Variants in RFTN2 observed in about 807,000 individuals in gnomAD.
RFTN2 encodes raftlin family member 2.
A neutral mutation model predicts 52.7 loss-of-function variants in RFTN2; 34 were observed. That is an observed-to-expected ratio of 0.64 (90% CI 0.49 to 0.86). The LOEUF (loss-of-function observed/expected upper bound fraction) is 0.86, where lower values mean the gene tolerates loss of function less well. Among genes scored for constraint, RFTN2 ranks in the 40% least tolerant of loss-of-function variants. RFTN2 has a pLI of 0.00. For synonymous variants in RFTN2, 203 were observed against 217.7 expected (o/e 0.93, Z 0.59); for missense variants, 536 against 600.1 (o/e 0.89, Z 1.12).
intron 4 of RFTN2, 56 bp from the exon 5 acceptor site, chr2:197,631,276 T>G (rs2088465901): frequency 2.3e-6 from 3 of 1,311,252 alleles, no homozygotes; most frequent in East Asian, 2.3e-5. Context: ...GATCAAAGAT[T>G]CTTAATTTTT....
intron 5 of RFTN2, among the ~76,000 whole-genome samples, chr2:197,626,614 C>CTTTTTTTT (rs201711932): frequency 4.1e-5 from 4 of 97,644 alleles, no homozygotes; most frequent in Non-Finnish European, 5.7e-5. Flanking sequence ...AAGGAATAAT[C>CTTTTTTTT]TTCTTTTTTT....
Position 197,633,895 on chromosome 2 carries a change from C to G in RFTN2, c.541G>C (p.Glu181Gln), listed in dbSNP as rs1459076013. The change falls in exon 4 of 9, where the codon GAA becomes CAA. Residue 181 changes from glutamate to glutamine, a missense_variant. Coordinates refer to ENST00000295049, the MANE Select transcript of RFTN2 (RefSeq NM_144629.3). ...CNGTNHDGDI[E>Q]SMLHVRHGSD... ...CCGTGTCTCACATGTAGCATCGATT[C>G]TATATCTCCATCATGGTTGGTTCCA... 1.2e-6 allele frequency: 2 copies of G among 1,613,886 alleles called. No individual in the cohort carries two copies. Among genetic ancestry groups the G allele is most frequent in the South Asian group, 2.2e-5 (2 of 91,070 alleles).
chr2:197,602,506 A>T (rs949186209), intron 7 of RFTN2, among the ~76,000 whole-genome samples: 1 of 152,068 alleles, frequency 6.6e-6, no homozygotes. Flanking sequence ...GGTGGGAGAA[A>T]GTTGTTCTAC....
intron 7 of RFTN2, among the ~76,000 whole-genome samples, chr2:197,607,794 T>G (rs1197121843): frequency 6.6e-6 from 1 of 152,220 alleles, no homozygotes; most frequent in Non-Finnish European, 1.5e-5. Context: ...GGTATCAGTA[T>G]GTGTTAAAAA....
chr2:197,641,995 T>C (rs1356861148), intron 3 of RFTN2, among the ~76,000 whole-genome samples: 1 of 152,224 alleles, frequency 6.6e-6, no homozygotes, highest in African/African-American at 2.4e-5. Flanking sequence ...AGTAGCTACA[T>C]TTTTGTTTTC....
intron 8 of RFTN2, among the ~76,000 whole-genome samples, chr2:197,583,837 C>T (rs976748628): frequency 1.1e-4 from 17 of 152,004 alleles, no homozygotes; most frequent in Admixed American, 6.6e-5. Context: ...TCCAAGTGTT[C>T]TCATTGTTCA....
intron 1 of RFTN2, among the ~76,000 whole-genome samples, chr2:197,652,779 A>G (rs1187172056): frequency 6.6e-6 from 1 of 152,194 alleles, no homozygotes; most frequent in Non-Finnish European, 1.5e-5. Flanking sequence ...TGGTGGTACA[A>G]AGGTCTCCCA....
intron 8 of RFTN2, among the ~76,000 whole-genome samples, chr2:197,584,527 T>G (rs1411169860): frequency 3.9e-5 from 6 of 152,136 alleles, no homozygotes; most frequent in Non-Finnish European, 8.8e-5. Flanking sequence ...GTCAGATGAG[T>G]AGATTGCAAA....
In RFTN2 at chr2:197,571,324, A is replaced by G. The variant is rs2087312775; in HGVS notation, c.*684T>C. ...GGTTCTTTTCATATTGAATTTTAAG[A>G]GATGCTGCTTTGCTGTCTGCATTTT... is the stretch of plus-strand genomic sequence containing the variant. On this transcript the variant is annotated 3_prime_UTR_variant, in exon 9 of 9. Coordinates refer to ENST00000295049, the MANE Select transcript of RFTN2 (RefSeq NM_144629.3). The G allele has an allele frequency of 6.6e-6, 1 of 152,406 alleles. No homozygotes were observed. Among genetic ancestry groups the G allele is most frequent in the Non-Finnish European group, 1.5e-5 (1 of 68,032 alleles). The allele number at this position is 152,406 out of a possible 1,614,324, so 9.4% of individuals were successfully genotyped here. A position where few individuals can be genotyped will look rare whatever the true frequency, so the allele number is the denominator to read the frequency against.
intron 8 of RFTN2, among the ~76,000 whole-genome samples, chr2:197,594,661 A>C (rs1390146753): frequency 6.6e-6 from 1 of 152,152 alleles, no homozygotes; most frequent in African/African-American, 2.4e-5. Flanking sequence ...TAAACTCATG[A>C]ACTTGAGTCA....
intron 7 of RFTN2, among the ~76,000 whole-genome samples, chr2:197,600,667 C>A (rs2087865517): frequency 6.6e-6 from 1 of 152,142 alleles, no homozygotes; most frequent in South Asian, 2.1e-4. Flanking sequence ...GTCATTATGG[C>A]ACCTGAGAGG....
Position 197,572,152 on chromosome 2 carries a change from G to A in RFTN2, c.1362C>T (p.Pro454=). Reference sequence around the variant, plus strand: ...CCTCCTTTGTCCAGCATTCCCGGGAGGGAGAAAGGCGGCACTCCTCAGGCA... The same window carrying A: ...CCTCCTTTGTCCAGCATTCCCGGGAAGGAGAAAGGCGGCACTCCTCAGGCA... ...RHLPEECRLS[P]SRECWTKEGR... The change falls in exon 9 of 9, where the codon CCC becomes CCT. Residue 454 remains proline, a synonymous_variant. Transcript: ENST00000295049. 1.9e-6 allele frequency: 3 copies of A among 1,614,252 alleles called. No individual in the cohort carries two copies. The South Asian group carries it at 3.3e-5, about 18-fold the overall frequency.
chr2:197,585,770 T>G (rs2087586469), intron 8 of RFTN2, among the ~76,000 whole-genome samples: 1 of 152,046 alleles, frequency 6.6e-6, no homozygotes, highest in Admixed American at 6.6e-5. Flanking sequence ...ACCTTTACCC[T>G]CCTGAAGAAC....
chr2:197,648,026 G>A (rs1295383603), intron 1 of RFTN2, among the ~76,000 whole-genome samples: 4 of 152,198 alleles, frequency 2.6e-5, no homozygotes. Flanking sequence ...TATCTCTTAA[G>A]TAACAAGACA....
chr2:197,652,357 C>T lies in RFTN2; in HGVS notation c.140-5691G>A, dbSNP rs541090811. On this transcript the variant is annotated intron_variant, in intron 1 of 8. Coordinates refer to ENST00000295049, the MANE Select transcript of RFTN2 (RefSeq NM_144629.3). ...ACTTGAAAGAAAACCCTAGCACTTGCTTAAGAAATGCAGCATTACCAATAC... is the reference window on the plus strand; with the variant it reads ...ACTTGAAAGAAAACCCTAGCACTTGTTTAAGAAATGCAGCATTACCAATAC... Among the ~76,000 whole-genome samples, 10 of 152,204 alleles carry T rather than the reference C, an allele frequency of 6.6e-5. No individual in the cohort carries two copies. In the East Asian group the frequency reaches 1.9e-3, roughly 29 times the overall value.
intron 7 of RFTN2, among the ~76,000 whole-genome samples, chr2:197,614,797 G>A (rs1216316774): frequency 6.6e-6 from 1 of 152,186 alleles, no homozygotes; most frequent in Non-Finnish European, 1.5e-5. Context: ...TGTGAAGACT[G>A]AATCTTGAGA....
chr2:197,631,702 A>G (rs1278973787), intron 4 of RFTN2, among the ~76,000 whole-genome samples: 5 of 152,196 alleles, frequency 3.3e-5, no homozygotes. Flanking sequence ...GGACATATGC[A>G]ATATTTCCAA....
intron 5 of RFTN2, among the ~76,000 whole-genome samples, chr2:197,622,201 G>A (rs1443018639): frequency 6.6e-6 from 1 of 152,244 alleles, no homozygotes; most frequent in Admixed American, 6.5e-5. Flanking sequence ...AAATTGCAAG[G>A]TGAAGGAGCA....
intron 1 of RFTN2, among the ~76,000 whole-genome samples, chr2:197,657,024 A>AT (rs1313183970): frequency 5.9e-5 from 7 of 119,328 alleles, no homozygotes; most frequent in Admixed American, 2.4e-4. Flanking sequence ...AGTTAAAAAA[A>AT]TAAAAAAAAA....
Sources: allele counts gnomAD v4.1 joint callset (sites outside exome capture counted in the v4.1 genomes callset), GRCh38; gene constraint gnomAD v4.1.1; transcripts MANE v1.5; gene names NCBI Gene and HGNC (gene_info 2026-07-23, HGNC 2026-07-21).